Variants in FNDC3B observed in about 807,000 individuals in gnomAD.
The protein encoded by FNDC3B is fibronectin type III domain-containing protein 3B.
A neutral mutation model predicts 151.5 loss-of-function variants in FNDC3B; 12 were observed. That is an observed-to-expected ratio of 0.08 (90% CI 0.05 to 0.13). The LOEUF (loss-of-function observed/expected upper bound fraction) is 0.13. FNDC3B is among the 10% of genes least tolerant of loss of function. The pLI, the probability that FNDC3B is intolerant of heterozygous loss-of-function variation, is 1.00. For missense variants in FNDC3B, 1,214 were observed against 1,505.3 expected, an observed-to-expected ratio of 0.81 and a Z score of 3.20; for synonymous variants, 528 against 549.0, an observed-to-expected ratio of 0.96 and a Z score of 0.54.
At chr3:172,366,178 C>A (rs931545550) in intron 23 of FNDC3B, among the ~76,000 whole-genome samples, 1 of 152,172 alleles carries the variant, frequency 6.6e-6, no homozygotes, top group Non-Finnish European at 1.5e-5. Context: ...CTATGATGCA[C>A]TGATTTATGA....
At chr3:172,137,014 A>G (rs561794072) in intron 3 of FNDC3B, among the ~76,000 whole-genome samples, 2 of 152,192 alleles carry the variant, frequency 1.3e-5, no homozygotes, top group East Asian at 3.9e-4. Context: ...GTGTTTTTCT[A>G]AATTGAGGGG....
intron 2 of FNDC3B, among the ~76,000 whole-genome samples, chr3:172,116,971 A>G (rs1477645799): frequency 6.6e-6 from 1 of 152,136 alleles, no homozygotes; most frequent in East Asian, 1.9e-4. Flanking sequence ...CATTTTATTA[A>G]TCCACTCATG....
At chr3:172,381,171 C>G (rs1576963518) in intron 25 of FNDC3B, 78 bp downstream of exon 25, 26 of 1,501,728 alleles carry the variant, frequency 1.7e-5, no homozygotes, top group Non-Finnish European at 2.4e-5. Context: ...ATGAATGACT[C>G]AGTGAACTAT....
chr3:172,284,296 A>G (rs923771197), intron 6 of FNDC3B, among the ~76,000 whole-genome samples: 4 of 152,204 alleles, frequency 2.6e-5, no homozygotes, highest in African/African-American at 9.7e-5. Flanking sequence ...CAAAAAGCAA[A>G]ATATGCAAGA....
intron 17 of FNDC3B, 113 bp from the exon 18 acceptor site, chr3:172,342,898 G>A: frequency 1.5e-6 from 1 of 666,470 alleles, no homozygotes; most frequent in Non-Finnish European, 2.8e-6. Flanking sequence ...CATTTAGTGT[G>A]TAACCCCTTT....
intron 3 of FNDC3B, among the ~76,000 whole-genome samples, chr3:172,142,383 C>G (rs1311520633): frequency 6.6e-6 from 1 of 152,170 alleles, no homozygotes; most frequent in Non-Finnish European, 1.5e-5. Context: ...CCCTTCTGCC[C>G]TTTAGGCTTG....
In FNDC3B at chr3:172,378,397, A is replaced by T. The variant is rs1243424641; in HGVS notation, c.3136A>T (p.Thr1046Ser). The T allele has an allele frequency of 1.2e-6, 2 of 1,613,636 alleles. No homozygotes were observed. Among genetic ancestry groups the T allele is most frequent in the Admixed American group, 3.3e-5 (2 of 59,882 alleles). The change falls in exon 24 of 26, where the codon ACC becomes TCC. Residue 1046 changes from threonine (T) to serine (S), a missense_variant. By Grantham distance (58) the Thr-to-Ser change is moderately conservative (BLOSUM62 1). Transcript: ENST00000415807. ...AGAAGGGCCCTTCTCAGAAACCTAT[A>T]CCTTCAGCACAACCAAAAGTGTCCC... is the stretch of plus-strand genomic sequence containing the variant. ...AGEGPFSETY[T>S]FSTTKSVPPT...
chr3:172,324,263 C>G (rs908200497), intron 11 of FNDC3B, among the ~76,000 whole-genome samples: 4 of 151,500 alleles, frequency 2.6e-5, no homozygotes, highest in Non-Finnish European at 5.9e-5. Flanking sequence ...AGTCGACTTA[C>G]TGGCGAGCCA....
intron 7 of FNDC3B, among the ~76,000 whole-genome samples, chr3:172,287,531 TTA>T (rs1730090235): frequency 1.3e-5 from 2 of 152,180 alleles, no homozygotes. Context: ...TGGAAAAAGC[TTA>T]TGTTTGTAGC....
intron 22 of FNDC3B, among the ~76,000 whole-genome samples, chr3:172,359,034 G>A (rs1734241855): frequency 6.6e-6 from 1 of 150,780 alleles, no homozygotes; most frequent in African/African-American, 2.4e-5. Flanking sequence ...TGGCGGTGGT[G>A]TGTGTTAAGG....
chr3:172,140,443 G>T (rs1461655851), intron 3 of FNDC3B, among the ~76,000 whole-genome samples: 1 of 152,112 alleles, frequency 6.6e-6, no homozygotes, highest in Admixed American at 6.6e-5. Context: ...AAATGTTTGG[G>T]GGCTCTATTT....
chr3:172,364,277 T>C (rs1395455565), intron 23 of FNDC3B, among the ~76,000 whole-genome samples: 3 of 152,196 alleles, frequency 2.0e-5, no homozygotes, highest in African/African-American at 7.2e-5. Context: ...ACAATCCATG[T>C]ATAAAAAAAC....
chr3:172,099,247 A>G (rs960652628), intron 1 of FNDC3B, among the ~76,000 whole-genome samples: 4 of 152,092 alleles, frequency 2.6e-5, no homozygotes, highest in African/African-American at 7.2e-5. Flanking sequence ...CTTTGTCTAT[A>G]TTTGAAACTT....
At chr3:172,164,089 A>G (rs1181529100) in intron 3 of FNDC3B, among the ~76,000 whole-genome samples, 1 of 152,214 alleles carries the variant, frequency 6.6e-6, no homozygotes, top group Non-Finnish European at 1.5e-5. Context: ...CCTGAAAATC[A>G]TATTTGGGCT....
chr3:172,218,578 AGTT>A (rs1276612219), intron 3 of FNDC3B, among the ~76,000 whole-genome samples: 1 of 152,176 alleles, frequency 6.6e-6, no homozygotes, highest in African/African-American at 2.4e-5. Flanking sequence ...GCAGTGTGAA[AGTT>A]GTTAAGATAT....
intron 4 of FNDC3B, among the ~76,000 whole-genome samples, chr3:172,237,808 A>G (rs1727244353): frequency 6.6e-6 from 1 of 152,230 alleles, no homozygotes; most frequent in Non-Finnish European, 1.5e-5. Flanking sequence ...GTAGTTTTCA[A>G]GGAACTTCTT....
intron 5 of FNDC3B, 142 bp from the exon 6 acceptor site, chr3:172,251,118 A>G (rs1478926807): frequency 2.8e-6 from 2 of 726,650 alleles, no homozygotes; most frequent in Non-Finnish European, 4.4e-6. Flanking sequence ...TTCTTAAAAA[A>G]TATTTATTAG....
At chr3:172,087,050 G>A (rs1447343700) in intron 1 of FNDC3B, among the ~76,000 whole-genome samples, 1 of 152,116 alleles carries the variant, frequency 6.6e-6, no homozygotes, top group African/African-American at 2.4e-5. Context: ...TTTCTTCCAA[G>A]CCACTCCCGG....
chr3:172,236,308 A>G (rs6445051), intron 4 of FNDC3B, among the ~76,000 whole-genome samples: 25,398 of 152,150 alleles, frequency 0.17, 2,718 homozygotes, highest in Non-Finnish European at 0.23. Context: ...TGGTATTTCC[A>G]GTGAGAGTAT....
Sources: allele counts gnomAD v4.1 joint callset (sites outside exome capture counted in the v4.1 genomes callset), GRCh38; gene constraint gnomAD v4.1.1; transcripts MANE v1.5; gene names NCBI Gene and HGNC (gene_info 2026-07-23, HGNC 2026-07-21).